Variants in FAM83F observed in about 807,000 individuals in gnomAD.
FAM83F encodes scaffolding CK1 anchoring protein F.
In FAM83F, 45 loss-of-function variants were observed where a neutral mutation model predicts 42.9. That is an observed-to-expected ratio of 1.05 (90% CI 0.83 to 1.35). The LOEUF is 1.35. Among genes scored for constraint, FAM83F ranks in the 40% most tolerant of loss-of-function variants. FAM83F has a pLI of 0.00. For synonymous variants in FAM83F, 306 were observed against 298.3 expected (o/e 1.03, Z -0.27); for missense variants, 617 against 695.9 (o/e 0.89, Z 1.28).
chr22:40,026,172 A>G (rs1422008120), intron 4 of FAM83F, among the ~76,000 whole-genome samples: 1 of 152,212 alleles, frequency 6.6e-6, no homozygotes, highest in Admixed American at 6.5e-5. Flanking sequence ...AGCCTTCTGC[A>G]GATATCATGG....
At chr22:40,011,066 C>T (rs1427461699) in intron 1 of FAM83F, among the ~76,000 whole-genome samples, 2 of 152,228 alleles carry the variant, frequency 1.3e-5, no homozygotes, top group African/African-American at 2.4e-5. Flanking sequence ...CATACTTTAC[C>T]TTTCTCCTTC....
rs1376805695 is a variant in FAM83F at position 40,030,787 on chromosome 22, G to T, written c.*1222G>T. On this transcript the variant is annotated 3_prime_UTR_variant, in exon 5 of 5. Coordinates refer to ENST00000333407, the MANE Select transcript of FAM83F (RefSeq NM_138435.4). ...CAGGGCGATGGGGGATCCAAGCCCT[G>T]TGGAAGAGCCATGCAGCGGACTTTC... 1 of 152,338 alleles carries T rather than the reference G, an allele frequency of 6.6e-6. No individual in the cohort carries two copies. Among genetic ancestry groups the T allele is most frequent in the African/African-American group, 2.4e-5 (1 of 41,462 alleles). The allele number at this position is 152,338 out of a possible 1,614,324, so 9.4% of individuals were successfully genotyped here.
chr22:40,003,194 A>G (rs886658768), intron 1 of FAM83F, among the ~76,000 whole-genome samples: 2 of 152,154 alleles, frequency 1.3e-5, no homozygotes, highest in African/African-American at 4.8e-5. Flanking sequence ...CCTCCTGCCT[A>G]GTGACATTGA....
intron 2 of FAM83F, 127 bp downstream of exon 2, chr22:40,019,462 C>T (rs561721820): frequency 4.9e-6 from 4 of 815,666 alleles, no homozygotes; most frequent in African/African-American, 3.4e-5. Flanking sequence ...ATCTCAACAC[C>T]TTTCCTTTTG....
chr22:40,022,380 G>A (rs568984725), intron 4 of FAM83F, among the ~76,000 whole-genome samples: 33 of 152,292 alleles, frequency 2.2e-4, no homozygotes, highest in Non-Finnish European at 3.8e-4. Context: ...GCTGCAGCTC[G>A]ACCCTGGCTC....
In FAM83F at chr22:39,995,467, C is replaced by G; in HGVS notation, c.425C>G (p.Pro142Arg). 3.2e-6 allele frequency: 5 copies of G among 1,574,308 alleles called. No individual in the cohort carries two copies. The highest frequency in any genetic ancestry group is 4.3e-6 in the Non-Finnish European group (5 of 1,159,612). The change falls in exon 1 of 5, where the codon CCC becomes CGC. Residue 142 changes from proline (P) to arginine (R), a missense_variant. By Grantham distance (103) the Pro-to-Arg change is moderately radical. Coordinates refer to ENST00000333407, the MANE Select transcript of FAM83F (RefSeq NM_138435.4). This position sits in a 1 kb window ranked among gnomAD's most constrained non-coding sequence, Gnocchi z 4.6. ...CGGGTCACGCTCTTCACCCACCCGC[C>G]CAAGGACGAGAAGGCGCCGCACCTC... ...VSRVTLFTHP[P>R]KDEKAPHLKQ...
chr22:40,021,302 T>C lies in FAM83F; in HGVS notation c.792T>C (p.Ser264=). 1 of 1,541,698 alleles carries C rather than the reference T, an allele frequency of 6.5e-7. No homozygotes were observed. Among genetic ancestry groups the C allele is most frequent in the Non-Finnish European group, 8.8e-7 (1 of 1,138,556 alleles). ...CCCACGTTCCCAGGTTCACCTGGAG[T>C]TCCTCCCATGTGGACAGAAACCTCC... ...VATGSYRFTW[S]SSHVDRNLLL... Residue 264 remains serine (S), a synonymous_variant, in exon 4 of 5, where the codon AGT becomes AGC. Coordinates refer to ENST00000333407, the MANE Select transcript of FAM83F (RefSeq NM_138435.4). This position sits in a 1 kb window ranked among gnomAD's most constrained non-coding sequence, Gnocchi z 8.7.
intron 1 of FAM83F, among the ~76,000 whole-genome samples, chr22:40,002,841 A>G (rs739145): frequency 0.58 from 88,171 of 152,042 alleles, 26,459 homozygotes; most frequent in African/African-American, 0.67. Context: ...GTTGAGTGAC[A>G]GGATCGGTGC....
At chr22:39,996,173 ACTCGGCAG>A in intron 1 of FAM83F, among the ~76,000 whole-genome samples, 1 of 152,176 alleles carries the variant, frequency 6.6e-6, no homozygotes, top group South Asian at 2.1e-4. Flanking sequence ...AGGTCACCTG[ACTCGGCAG>A]CTCAGGAAAG....
Position 40,021,746 on chromosome 22 carries a change from G to A in FAM83F, c.1236G>A (p.Lys412=). The A allele has an allele frequency of 1.2e-6, 2 of 1,612,952 alleles. No individual in the cohort carries two copies. The highest frequency in any genetic ancestry group is 1.7e-6 in the Non-Finnish European group (2 of 1,179,846). Residue 412 remains lysine, a synonymous_variant, in exon 4 of 5, where the codon AAG becomes AAA. Coordinates refer to ENST00000333407, the MANE Select transcript of FAM83F (RefSeq NM_138435.4). The surrounding 1 kb of genome is among the most constrained non-coding windows in gnomAD (Gnocchi z 8.7). The part of the protein sequence containing the change: ...RMVSHMHRDL[K]PKSREAPSRN... ...TCTCTCACATGCACAGAGACCTGAA[G>A]CCCAAATCCCGAGAGGCACCCAGCC...
chr22:40,022,775 G>A (rs188823229), intron 4 of FAM83F, among the ~76,000 whole-genome samples: 2 of 152,252 alleles, frequency 1.3e-5, no homozygotes, highest in Admixed American at 1.3e-4. Context: ...TCCCTCCATC[G>A]CTGTGGAGCC....
rs1411899280 is a variant in FAM83F at position 40,042,257 on chromosome 22, GTTT to G, written c.*12694_*12696del. 1.3e-4 allele frequency: 20 copies of G among 152,186 alleles called. No homozygotes were observed. Among genetic ancestry groups the G allele is most frequent in the African/African-American group, 4.3e-4 (18 of 41,440 alleles). 9.4% of individuals were successfully genotyped at this position (152,186 alleles called of 1,614,324 possible). A position where few individuals can be genotyped will look rare whatever the true frequency, so the allele number is the denominator to read the frequency against. ...AAATAGGAGAAGGTTTCAGGCATTT[GTTT>G]TGTCTCTGGGAGGGAAGGCACAATG... On this transcript the variant is annotated 3_prime_UTR_variant, in exon 5 of 5. Transcript: ENST00000333407.
rs1417477349 is a variant in FAM83F at position 40,040,830 on chromosome 22, C to G, written c.*11265C>G. ...GGGATCTTCCCATTGTTATAAGCTT[C>G]AAGAATTGGAGAATGCTTAATGAAC... On this transcript the variant is annotated 3_prime_UTR_variant, in exon 5 of 5. Coordinates refer to ENST00000333407, the MANE Select transcript of FAM83F (RefSeq NM_138435.4). The G allele has an allele frequency of 1.3e-5, 2 of 152,184 alleles. No homozygotes were observed. Among genetic ancestry groups the G allele is most frequent in the African/African-American group, 2.4e-5 (1 of 41,442 alleles). 9.4% of individuals were successfully genotyped at this position (152,184 alleles called of 1,614,324 possible).
rs906426841 is a variant in FAM83F, at chr22:40,043,300, T to C, written c.*13735T>C. 1 of 152,218 alleles carries C rather than the reference T, an allele frequency of 6.6e-6. No individual in the cohort carries two copies. Among genetic ancestry groups the C allele is most frequent in the African/African-American group, 2.4e-5 (1 of 41,458 alleles). 9.4% of individuals were successfully genotyped at this position (152,218 alleles called of 1,614,324 possible). ...TGGAATGTGGGCTAGAGTCCAGCGTTGTGCTCCTGGAGATCATTTCGGTCG... is the reference window on the plus strand; with the variant it reads ...TGGAATGTGGGCTAGAGTCCAGCGTCGTGCTCCTGGAGATCATTTCGGTCG... On this transcript the variant is annotated 3_prime_UTR_variant, in exon 5 of 5. Transcript: ENST00000333407.
In FAM83F at chr22:40,039,945, CA is replaced by C. The variant is rs1259414285; in HGVS notation, c.*10381del. 6.6e-6 allele frequency: 1 copy of C among 152,204 alleles called. No homozygotes were observed. The highest frequency in any genetic ancestry group is 2.4e-5 in the African/African-American group (1 of 41,446). 9.4% of individuals were successfully genotyped at this position (152,204 alleles called of 1,614,324 possible). On this transcript the variant is annotated 3_prime_UTR_variant, in exon 5 of 5. Coordinates refer to ENST00000333407, the MANE Select transcript of FAM83F (RefSeq NM_138435.4). ...GGTTCAGAGAGAGAAAACGAGAGAG[CA>C]TTCCTGGTGGTGGAGATGGCCGCAG...
At chr22:40,005,444 G>A (rs971727402) in intron 1 of FAM83F, among the ~76,000 whole-genome samples, 2 of 152,242 alleles carry the variant, frequency 1.3e-5, no homozygotes, top group African/African-American at 2.4e-5. Flanking sequence ...GAAGCTTGCC[G>A]TGGGGCAGGG....
intron 1 of FAM83F, among the ~76,000 whole-genome samples, chr22:40,008,659 A>G (rs1003564210): frequency 2.6e-5 from 4 of 152,180 alleles, no homozygotes; most frequent in African/African-American, 9.7e-5. Flanking sequence ...TGCTGTTAAA[A>G]TGCATTTTCT....
chr22:40,019,105 G>A, intron 1 of FAM83F, 63 bp from the exon 2 acceptor site: 1 of 1,583,652 alleles, frequency 6.3e-7, no homozygotes, highest in Non-Finnish European at 8.6e-7. Flanking sequence ...TACCATCTGA[G>A]CAGGGCATGC....
In FAM83F at chr22:39,995,445, G is replaced by A. The variant is rs746493818; in HGVS notation, c.403G>A (p.Val135Ile). The A allele has an allele frequency of 2.5e-5, 39 of 1,561,344 alleles. No individual in the cohort carries two copies. Among genetic ancestry groups the A allele is most frequent in the African/African-American group, 5.4e-5 (4 of 73,422 alleles). The stretch of plus-strand genomic sequence containing the variant: ...TGGTTTCTACCGCGGCGTGAGCCGG[G>A]TCACGCTCTTCACCCACCCGCCCAA... The part of the protein sequence containing the change: ...DTGFYRGVSR[V>I]TLFTHPPKDE... The change falls in exon 1 of 5, where the codon GTC (valine) becomes ATC (isoleucine). Residue 135 changes from valine (V) to isoleucine (I), a missense_variant. By Grantham distance (29) the Val-to-Ile change is conservative. Transcript: ENST00000333407. This position sits in a 1 kb window ranked among gnomAD's most constrained non-coding sequence, Gnocchi z 4.6.
Sources: allele counts gnomAD v4.1 joint callset (sites outside exome capture counted in the v4.1 genomes callset), GRCh38; gene constraint gnomAD v4.1.1; non-coding constraint Gnocchi (gnomAD v3.1); transcripts MANE v1.5; gene names NCBI Gene and HGNC (gene_info 2026-07-23, HGNC 2026-07-21).